The following ERAP1 variants were observed in gnomAD, a reference collection of about 807,000 sequenced individuals.
The protein encoded by ERAP1 is endoplasmic reticulum aminopeptidase 1.
A neutral mutation model predicts 103.7 loss-of-function variants in ERAP1; 86 were observed. The ratio of observed to expected loss-of-function variants is 0.83; its 90% CI spans 0.70 to 0.99. The LOEUF (loss-of-function observed/expected upper bound fraction) is 0.99, where lower values mean the gene tolerates loss of function less well. Among genes scored for constraint, ERAP1 ranks in the 50% least tolerant of loss-of-function variants. ERAP1 has a pLI of 0.00. For synonymous variants in ERAP1, 398 were observed against 402.4 expected (o/e 0.99, Z 0.13); for missense variants, 1,009 against 1,128.4 (o/e 0.89, Z 1.52).
chr5:96,874,471 C>T, the ERAP1 span, among the ~76,000 whole-genome samples: 359 of 152,306 alleles, frequency 2.4e-3, 2 homozygotes, highest in African/African-American at 8.1e-3. Context: ...TACCTGCCCC[C>T]ACGCCCTGCA....
rs79774774 is a variant in ERAP1, at chr5:96,788,278, T to C, written c.1679+253A>G. On this transcript the variant is annotated intron_variant, in intron 11 of 18. Coordinates refer to ENST00000443439, the MANE Select transcript of ERAP1 (RefSeq NM_001040458.3). ...AGCCAGTAACCAGAAATTACCATCA[T>C]ATCAAATTACAAAATATGAGAATGT... Among the ~76,000 whole-genome samples the C allele has an allele frequency of 6.4e-4, 97 of 152,280 alleles. 1 individual carries two copies. Among genetic ancestry groups the C allele is most frequent in the African/African-American group, 2.0e-3 (82 of 41,560 alleles).
At chr5:96,795,623 A>AG (rs1777265593) in intron 4 of ERAP1, among the ~76,000 whole-genome samples, 1 of 152,236 alleles carries the variant, frequency 6.6e-6, no homozygotes, top group South Asian at 2.1e-4. Context: ...CCCTGCATAA[A>AG]GCTAGTACCC....
At chr5:96,904,516 T>C in the ERAP1 span, among the ~76,000 whole-genome samples, 75,904 of 151,964 alleles carry the variant, frequency 0.5, 19,143 homozygotes, top group Admixed American at 0.57. Context: ...TAATCCTCAG[T>C]CCCGTGGGTC....
At chr5:96,905,354 T>C in the ERAP1 span, among the ~76,000 whole-genome samples, 5 of 152,186 alleles carry the variant, frequency 3.3e-5, no homozygotes, top group Non-Finnish European at 7.3e-5. Context: ...GTTGAGTGTG[T>C]AGGGTATTGA....
At chr5:96,786,619 CAT>C (rs1776035472) in intron 11 of ERAP1, 70 bp from the exon 12 acceptor site, 2 of 1,023,752 alleles carry the variant, frequency 2.0e-6, no homozygotes, top group Non-Finnish European at 3.1e-6. Flanking sequence ...AATCACCTAT[CAT>C]GTGCCAGGCA....
At chr5:96,771,662 A>G, downstream of ERAP1, 1 of 1,612,300 alleles carries the variant, frequency 6.2e-7, no homozygotes. Flanking sequence ...GGAAACTTCC[A>G]AGCCAAAAGA....
the ERAP1 span, chr5:96,879,599 C>T: frequency 2.6e-3 from 2,636 of 1,002,172 alleles, 8 homozygotes; most frequent in Non-Finnish European, 3.2e-3. Context: ...GTTCAGACCC[C>T]ATGTGACATA....
chr5:96,873,244 T>C, the ERAP1 span: 17 of 412,034 alleles, frequency 4.1e-5, no homozygotes, highest in Middle Eastern at 3.5e-4. Flanking sequence ...CAATAAAGTC[T>C]CATCTCTTTG....
chr5:96,897,280 C>T, the ERAP1 span, among the ~76,000 whole-genome samples: 1 of 152,202 alleles, frequency 6.6e-6, no homozygotes, highest in Non-Finnish European at 1.5e-5. Context: ...TGCTCAATCT[C>T]TAGATCATTG....
the ERAP1 span, among the ~76,000 whole-genome samples, chr5:96,819,028 C>T: frequency 1.6e-4 from 25 of 152,122 alleles, no homozygotes; most frequent in African/African-American, 4.6e-4. Context: ...CAGGTTCAAG[C>T]GATTCTCCTG....
chr5:96,910,460 A>G, the ERAP1 span, among the ~76,000 whole-genome samples: 1 of 151,960 alleles, frequency 6.6e-6, no homozygotes, highest in African/African-American at 2.4e-5. Flanking sequence ...TTAGAAAAAA[A>G]AAAACTTAAA....
the ERAP1 span, among the ~76,000 whole-genome samples, chr5:96,821,725 G>T: frequency 1.3e-5 from 2 of 152,132 alleles, no homozygotes; most frequent in African/African-American, 4.8e-5. Context: ...TGGGCCAGAG[G>T]GAACACAGCT....
At chr5:96,870,453 T>C in the ERAP1 span, among the ~76,000 whole-genome samples, 1 of 150,386 alleles carries the variant, frequency 6.6e-6, no homozygotes, top group Non-Finnish European at 1.5e-5. Flanking sequence ...GTCTAATCTC[T>C]TAATAAGATA....
In ERAP1 at chr5:96,780,977, G is replaced by A. The variant is rs963941238; in HGVS notation, c.2588+81C>T. ...CAAAAAGTACCTTTAGACTGTTACT[G>A]TTCTTTTACAAACAGCAAGGCTAAA... is the stretch of plus-strand genomic sequence containing the variant. On this transcript the variant is annotated intron_variant, in intron 17 of 18. Transcript: ENST00000443439. 7 of 1,526,810 alleles carry A rather than the reference G, an allele frequency of 4.6e-6. No individual in the cohort carries two copies. The African/African-American group carries it at 8.2e-5, about 18-fold the overall frequency. The allele number at this position is 1,526,810 out of a possible 1,614,324, so 94.6% of individuals were successfully genotyped here.
the ERAP1 span, among the ~76,000 whole-genome samples, chr5:96,841,882 C>T: frequency 6.6e-6 from 1 of 151,338 alleles, no homozygotes; most frequent in African/African-American, 2.4e-5. Context: ...TTTTGGTGCA[C>T]CCGTCACCGA....
chr5:96,808,744 C>A (rs1212061650), upstream of ERAP1, among the ~76,000 whole-genome samples: 1 of 152,108 alleles, frequency 6.6e-6, no homozygotes, highest in Non-Finnish European at 1.5e-5. Flanking sequence ...GCCAAAAAGA[C>A]CATCTTTAAA....
At chr5:96,779,803 A>G (rs1413648248) in intron 18 of ERAP1, among the ~76,000 whole-genome samples, 1 of 152,216 alleles carries the variant, frequency 6.6e-6, no homozygotes, top group East Asian at 1.9e-4. Context: ...TTTACCAGAC[A>G]ATGAGAATAA....
chr5:96,815,778 T>C, the ERAP1 span, among the ~76,000 whole-genome samples: 1 of 152,028 alleles, frequency 6.6e-6, no homozygotes, highest in South Asian at 2.1e-4. Context: ...AATAAGTAAA[T>C]TGAAGCAAAA....
At chr5:96,874,285 T>C in the ERAP1 span, among the ~76,000 whole-genome samples, 1 of 152,236 alleles carries the variant, frequency 6.6e-6, no homozygotes, top group African/African-American at 2.4e-5. Context: ...TTTTCACTTC[T>C]AGGATTCTGC....
Sources: gnomAD v4.1 joint callset for allele counts (sites outside exome capture counted in the v4.1 genomes callset) on GRCh38, gnomAD v4.1.1 for gene constraint, MANE v1.5 for transcripts, NCBI Gene and HGNC (gene_info 2026-07-23, HGNC 2026-07-21) for gene names.